ECE2: variants seen among roughly 807,000 people sequenced by gnomAD.
The protein encoded by ECE2 is endothelin converting enzyme 2, also known as endothelin-converting enzyme 2.
Under a neutral mutation model 100.6 loss-of-function variants are expected in ECE2, and 81 were observed. The ratio of observed to expected loss-of-function variants is 0.81; its 90% CI spans 0.67 to 0.97. The LOEUF is 0.97. Among genes scored for constraint, ECE2 ranks in the 50% least tolerant of loss-of-function variants. ECE2 has a pLI of 0.00. For missense variants in ECE2, 911 were observed against 988.1 expected (o/e 0.92, Z 1.05); for synonymous variants, 391 against 391.5 (o/e 1.00, Z 0.02).
chr3:184,291,988 G>A lies in ECE2; in HGVS notation c.2122-74G>A. The A allele has an allele frequency of 6.6e-7, 1 of 1,515,152 alleles. No homozygotes were observed. The highest frequency in any genetic ancestry group is 8.9e-7 in the Non-Finnish European group (1 of 1,119,454). 93.9% of individuals were successfully genotyped at this position (1,515,152 alleles called of 1,614,324 possible). On this transcript the variant is annotated intron_variant, in intron 18 of 18. Coordinates refer to ENST00000404464, the MANE Select transcript of ECE2 (RefSeq NM_001100121.2). The surrounding 1 kb of genome is among the most constrained non-coding windows in gnomAD (Gnocchi z 4.1). The stretch of plus-strand genomic sequence containing the variant: ...CAGCGGTGGTGGTTTGTGCCCCTGG[G>A]ATGGCTGTAGCTGACTCTAAGGCCC...
Position 184,292,259 on chromosome 3 carries a change from G to C in ECE2, c.*21G>C, listed in dbSNP as rs764860613. On this transcript the variant is annotated 3_prime_UTR_variant, in exon 19 of 19. Transcript: ENST00000404464. ...GGTAGACCTGGATCAGGGGAGAAAT[G>C]GCCAGCTGTCACCAGACCTGGGGCA... The C allele has an allele frequency of 1.9e-6, 3 of 1,612,846 alleles. No individual in the cohort carries two copies. The South Asian group carries it at 3.3e-5, about 18-fold the overall frequency.
chr3:184,286,133 G>A (rs569589528), intron 10 of ECE2, among the ~76,000 whole-genome samples: 70 of 152,260 alleles, frequency 4.6e-4, no homozygotes, highest in African/African-American at 1.2e-3. Context: ...CCTTCTCTGA[G>A]AGGTGCCATG....
chr3:184,278,236 G>A lies in ECE2; in HGVS notation c.673G>A (p.Gly225Arg). The stretch of plus-strand genomic sequence containing the variant: ...TATGGAGGTGTTGAAGGCAGTAGCA[G>A]GGACCTACAGGGCCACCCCATTCTT... ...NFMEVLKAVA[G>R]TYRATPFFTV... is the part of the protein sequence containing the mutation. Residue 225 changes from glycine (G) to arginine (R), a missense_variant, in exon 6 of 19, where the codon GGG (glycine) becomes AGG (arginine). By Grantham distance (125) the Gly-to-Arg change is moderately radical (BLOSUM62 -2). Transcript: ENST00000404464. 1 of 1,614,158 alleles carries A rather than the reference G, an allele frequency of 6.2e-7. No individual in the cohort carries two copies. Among genetic ancestry groups the A allele is most frequent in the Non-Finnish European group, 8.5e-7 (1 of 1,180,028 alleles).
chr3:184,290,165 T>G, intron 13 of ECE2, 90 bp from the exon 14 acceptor site: 1 of 1,029,248 alleles, frequency 9.7e-7, no homozygotes, highest in Non-Finnish European at 1.5e-6. Context: ...AACTGAGGTT[T>G]GGAGAGATAC....
intron 18 of ECE2, 31 bp from the exon 19 acceptor site, chr3:184,292,031 C>G (rs765510601): frequency 1.9e-6 from 3 of 1,593,328 alleles, no homozygotes; most frequent in South Asian, 2.2e-5. Context: ...CACTAGACAC[C>G]ATATGCCCCC....
At chr3:184,290,920 T>C in intron 16 of ECE2, 60 bp downstream of exon 16, 1 of 1,611,228 alleles carries the variant, frequency 6.2e-7, no homozygotes, top group Non-Finnish European at 8.5e-7. Context: ...CTGCAAGGCC[T>C]TGGGACATTG....
Position 184,290,671 on chromosome 3 carries a change from T to A in ECE2, c.1766+4T>A. 1 of 1,613,692 alleles carries A rather than the reference T, an allele frequency of 6.2e-7. No homozygotes were observed. The highest frequency in any genetic ancestry group is 2.2e-5 in the East Asian group (1 of 44,874). On this transcript the variant is annotated splice_donor_region_variant and intron_variant, in intron 15 of 18. Coordinates refer to ENST00000404464, the MANE Select transcript of ECE2 (RefSeq NM_001100121.2). The stretch of plus-strand genomic sequence containing the variant: ...TCTATGCCCGCAACCACCCCAAGTG[T>A]GTCTGAAGCAGGAGGGGCTGGGTGC...
chr3:184,280,520 C>T (rs1199597274), intron 7 of ECE2, among the ~76,000 whole-genome samples: 2 of 152,076 alleles, frequency 1.3e-5, no homozygotes, highest in East Asian at 1.9e-4. Flanking sequence ...AGAGAATAAG[C>T]GTGAAAGGAC....
At position 184,289,695 on chromosome 3, in the gene ECE2, G is replaced by A; in HGVS notation, c.1528G>A (p.Glu510Lys). The change falls in exon 13 of 19, where the codon GAG becomes AAG. Residue 510 changes from glutamate (E) to lysine (K), a missense_variant. Glu to Lys is a moderately conservative substitution (Grantham distance 56, BLOSUM62 1). Transcript: ENST00000404464. The surrounding 1 kb of genome is among the most constrained non-coding windows in gnomAD (Gnocchi z 4.1). ...CCCAGACTTTATCCTGGAGCCCAAA[G>A]AGCTGGATGATGTTTATGACGGGGT... is the stretch of plus-strand genomic sequence containing the variant. Reference protein sequence around the residue: ...GFPDFILEPKELDDVYDGYEI... With the variant: ...GFPDFILEPKKLDDVYDGYEI... 1 of 1,613,412 alleles carries A rather than the reference G, an allele frequency of 6.2e-7. No homozygotes were observed. Among genetic ancestry groups the A allele is most frequent in the African/African-American group, 1.3e-5 (1 of 75,036 alleles).
intron 1 of ECE2, 73 bp downstream of exon 1, chr3:184,276,265 G>T: frequency 1.4e-6 from 2 of 1,432,404 alleles, no homozygotes; most frequent in Non-Finnish European, 1.8e-6. Flanking sequence ...CGGCCGCGGA[G>T]GGGCAGGCGG....
Position 184,289,638 on chromosome 3 carries a change from C to T in ECE2, c.1474-3C>T. The T allele has an allele frequency of 6.2e-7, 1 of 1,613,630 alleles. No individual in the cohort carries two copies. Among genetic ancestry groups the T allele is most frequent in the East Asian group, 2.2e-5 (1 of 44,886 alleles). ...AAACAAACCCTTAACCTGGTCTCTT[C>T]AGGCAGATGCCATCTATGATATGAT... On this transcript the variant is annotated splice_polypyrimidine_tract_variant and splice_region_variant and intron_variant, in intron 12 of 18. Coordinates refer to ENST00000404464, the MANE Select transcript of ECE2 (RefSeq NM_001100121.2). This position sits in a 1 kb window ranked among gnomAD's most constrained non-coding sequence, Gnocchi z 4.1.
chr3:184,290,182 G>A, intron 13 of ECE2, 73 bp from the exon 14 acceptor site: 2 of 1,234,560 alleles, frequency 1.6e-6, no homozygotes, highest in Non-Finnish European at 2.3e-6. Context: ...ATACTAATGA[G>A]TAGCCAAACT....
intron 7 of ECE2, among the ~76,000 whole-genome samples, chr3:184,279,596 G>T (rs1049522792): frequency 1.3e-5 from 2 of 149,582 alleles, no homozygotes; most frequent in Non-Finnish European, 2.9e-5. Context: ...GGCAGAGGTT[G>T]CAGTGAGCTG....
At chr3:184,278,669 A>G (rs1010943774) in intron 7 of ECE2, 112 bp downstream of exon 7, 11 of 1,067,108 alleles carry the variant, frequency 1.0e-5, no homozygotes, top group Non-Finnish European at 1.5e-5. Context: ...CTATCCTGTC[A>G]CCTAGTGAAC....
chr3:184,282,048 G>A (rs145428692), intron 7 of ECE2, among the ~76,000 whole-genome samples: 158 of 152,138 alleles, frequency 1.0e-3, no homozygotes, highest in African/African-American at 3.5e-3. Flanking sequence ...GCAGTGAGCC[G>A]AGATCACACA....
At chr3:184,287,212 C>T (rs1223365892) in intron 10 of ECE2, among the ~76,000 whole-genome samples, 2 of 150,120 alleles carry the variant, frequency 1.3e-5, no homozygotes, top group African/African-American at 2.5e-5. Context: ...GGAGGTGGAG[C>T]TTGCAGTGAG....
chr3:184,287,236 A>G (rs1019332375), intron 10 of ECE2, among the ~76,000 whole-genome samples: 9 of 151,320 alleles, frequency 5.9e-5, no homozygotes, highest in African/African-American at 2.2e-4. Context: ...AGATCGCACC[A>G]CTGCACTCCA....
chr3:184,276,555 G>A lies in ECE2; in HGVS notation c.114G>A (p.Pro38=), dbSNP rs373518539. ...PETPVEGGAS[P]DAMEVGFQKG... ...CCCCCGTAGAGGGCGGGGCCTCCCC[G>A]GACGCCATGGAGGTGGGCAAGGGGG... Residue 38 remains proline, a synonymous_variant, in exon 2 of 19, where the codon CCG becomes CCA. Coordinates refer to ENST00000404464, the MANE Select transcript of ECE2 (RefSeq NM_001100121.2). The A allele has an allele frequency of 6.0e-5, 97 of 1,610,060 alleles. 1 individual carries two copies. Among genetic ancestry groups the A allele is most frequent in the Non-Finnish European group, 7.6e-5 (90 of 1,179,050 alleles).
In ECE2 at chr3:184,277,406, C is replaced by T. The variant is rs368866385; in HGVS notation, c.418C>T (p.Arg140Cys). Residue 140 changes from arginine to cysteine, a missense_variant, in exon 4 of 19, where the codon CGC (arginine) becomes TGC (cysteine). Coordinates refer to ENST00000404464, the MANE Select transcript of ECE2 (RefSeq NM_001100121.2). ...GAACCCCCTGCCCGATGGGCGTTCT[C>T]GCTGGAACACCTTCAACAGCCTCTG... is the stretch of plus-strand genomic sequence containing the variant. Reference protein sequence around the residue: ...RRNPLPDGRSRWNTFNSLWDQ... With the variant: ...RRNPLPDGRSCWNTFNSLWDQ... The T allele has an allele frequency of 6.7e-5, 108 of 1,614,264 alleles. No individual in the cohort carries two copies. The South Asian group carries it at 7.1e-4, about 11-fold the overall frequency.
Sources: allele counts gnomAD v4.1 joint callset (sites outside exome capture counted in the v4.1 genomes callset), GRCh38; gene constraint gnomAD v4.1.1; non-coding constraint Gnocchi (gnomAD v3.1); transcripts MANE v1.5; gene names NCBI Gene and HGNC (gene_info 2026-07-23, HGNC 2026-07-21).